ENTPD1: variants seen among roughly 807,000 people sequenced by gnomAD.
The protein encoded by ENTPD1 is ATP diphosphohydrolase.
ENTPD1 carries 33 observed loss-of-function variants against 57.0 expected under a neutral mutation model. The ratio of observed to expected loss-of-function variants is 0.58; its 90% CI spans 0.44 to 0.77. The LOEUF (loss-of-function observed/expected upper bound fraction) is 0.77, where lower values mean the gene tolerates loss of function less well. Among genes scored for constraint, ENTPD1 ranks in the 30% least tolerant of loss-of-function variants. ENTPD1 has a pLI of 0.00. For missense variants in ENTPD1, 501 were observed against 603.4 expected, an observed-to-expected ratio of 0.83 and a Z score of 1.78; for synonymous variants, 202 against 218.8, an observed-to-expected ratio of 0.92 and a Z score of 0.68.
chr10:95,790,351 CTATG>C (rs924826709), intron 1 of ENTPD1, among the ~76,000 whole-genome samples: 2 of 152,088 alleles, frequency 1.3e-5, no homozygotes, highest in African/African-American at 4.8e-5. Flanking sequence ...TGTAAATTGA[CTATG>C]TGTGTTATTG....
chr10:95,857,185 T>C (rs909777382), intron 7 of ENTPD1, among the ~76,000 whole-genome samples: 1 of 152,006 alleles, frequency 6.6e-6, no homozygotes, highest in Non-Finnish European at 1.5e-5. Context: ...TCTTGGGGGG[T>C]TGGAGGTGGC....
intron 1 of ENTPD1, among the ~76,000 whole-genome samples, chr10:95,772,101 T>G (rs1009200390): frequency 2.6e-5 from 4 of 152,198 alleles, no homozygotes. Flanking sequence ...ACTTTATTGC[T>G]AAAAAAATGC....
intron 1 of ENTPD1, among the ~76,000 whole-genome samples, chr10:95,715,073 T>G (rs1354100140): frequency 6.6e-6 from 1 of 152,212 alleles, no homozygotes; most frequent in Non-Finnish European, 1.5e-5. Flanking sequence ...AATAAAAGGT[T>G]TATGCAATGA....
chr10:95,869,143 T>C lies in ENTPD1; in HGVS notation c.*2760T>C, dbSNP rs2098477537. The C allele has an allele frequency of 1.0e-6, 1 of 985,224 alleles. No individual in the cohort carries two copies. The allele number at this position is 985,224 out of a possible 1,614,324, so 61.0% of individuals were successfully genotyped here. A position where few individuals can be genotyped will look rare whatever the true frequency, so the allele number is the denominator to read the frequency against. On this transcript the variant is annotated 3_prime_UTR_variant, in exon 10 of 10. Coordinates refer to ENST00000371205, the MANE Select transcript of ENTPD1 (RefSeq NM_001776.6). ...ACTCAAAACTTGGTTCTGCTAACCC[T>C]GTTCCTTTATGAGGAACCTTTTAAA...
In ENTPD1 at chr10:95,869,459, A is replaced by C. The variant is rs1399669360; in HGVS notation, c.*3076A>C. ...AAGACAGGGTTTCACCATGTTGGCCAGGCTGGTCTCCAACTCCCAATCTCA... is the reference window on the plus strand; with the variant it reads ...AAGACAGGGTTTCACCATGTTGGCCCGGCTGGTCTCCAACTCCCAATCTCA... On this transcript the variant is annotated 3_prime_UTR_variant, in exon 10 of 10. Transcript: ENST00000371205. The C allele has an allele frequency of 2.5e-6, 2 of 801,704 alleles. No homozygotes were observed. Among genetic ancestry groups the C allele is most frequent in the Non-Finnish European group, 3.0e-6 (2 of 662,706 alleles). The allele number at this position is 801,704 out of a possible 1,614,324, so 49.7% of individuals were successfully genotyped here.
the ENTPD1 span, among the ~76,000 whole-genome samples, chr10:95,700,111 A>G: frequency 6.6e-6 from 1 of 152,252 alleles, no homozygotes; most frequent in Non-Finnish European, 1.5e-5. Context: ...TACACTAGTT[A>G]ATATAAGAGA....
intron 1 of ENTPD1, among the ~76,000 whole-genome samples, chr10:95,782,518 G>C (rs1161643892): frequency 6.6e-6 from 1 of 152,142 alleles, no homozygotes; most frequent in Non-Finnish European, 1.5e-5. Flanking sequence ...CATGCTCCTG[G>C]CTAATCAGAA....
At position 95,876,586 on chromosome 10, in the gene ENTPD1, A is replaced by G. The variant is rs915014021; in HGVS notation, c.*10203A>G. Reference sequence around the variant, plus strand: ...AGATGGAAGTCTACATGGAGAATACAGGATGAATCCACTCTGTCTCCTGCA... The same window carrying G: ...AGATGGAAGTCTACATGGAGAATACGGGATGAATCCACTCTGTCTCCTGCA... On this transcript the variant is annotated 3_prime_UTR_variant, in exon 10 of 10. Transcript: ENST00000371205. 8 of 1,230,584 alleles carry G rather than the reference A, an allele frequency of 6.5e-6. No homozygotes were observed. The highest frequency in any genetic ancestry group is 8.1e-6 in the Non-Finnish European group (8 of 987,412). 76.2% of individuals were successfully genotyped at this position (1,230,584 alleles called of 1,614,324 possible).
At chr10:95,711,910 T>G in exon 1 of ENTPD1, 3 of 1,610,360 alleles carry the variant, frequency 1.9e-6, no homozygotes, top group Non-Finnish European at 1.7e-6. Flanking sequence ...CCAGTTTTGG[T>G]GCTGTGAACA....
intron 1 of ENTPD1, among the ~76,000 whole-genome samples, chr10:95,721,801 T>G (rs1420676790): frequency 6.6e-6 from 1 of 152,138 alleles, no homozygotes; most frequent in Admixed American, 6.5e-5. Context: ...TAACTACCCA[T>G]GGACCTCTGC....
intron 6 of ENTPD1, among the ~76,000 whole-genome samples, chr10:95,846,935 G>C (rs1453792490): frequency 6.6e-6 from 1 of 151,848 alleles, no homozygotes; most frequent in Non-Finnish European, 1.5e-5. Flanking sequence ...GTTGCAGTGA[G>C]CTGAGATTGC....
upstream of ENTPD1, among the ~76,000 whole-genome samples, chr10:95,752,780 C>T (rs1201166055): frequency 6.6e-6 from 1 of 152,168 alleles, no homozygotes; most frequent in Non-Finnish European, 1.5e-5. Flanking sequence ...CAACCTACTG[C>T]TTCAGCCTCC....
upstream of ENTPD1, among the ~76,000 whole-genome samples, chr10:95,707,801 C>G (rs1318012408): frequency 1.3e-5 from 2 of 152,108 alleles, no homozygotes; most frequent in African/African-American, 2.4e-5. Flanking sequence ...AATGGAGTTT[C>G]ACCATGCTAG....
chr10:95,845,724 G>A (rs1566230300), intron 6 of ENTPD1, 128 bp downstream of exon 6: 6 of 1,538,722 alleles, frequency 3.9e-6, no homozygotes, highest in Middle Eastern at 1.7e-4. Flanking sequence ...AACCTTTTTA[G>A]GCAGGATATT....
chr10:95,763,786 T>C (rs1239685265), intron 1 of ENTPD1, among the ~76,000 whole-genome samples: 1 of 152,240 alleles, frequency 6.6e-6, no homozygotes, highest in Non-Finnish European at 1.5e-5. Context: ...TGAAAGGAAG[T>C]GCTGGTGGCT....
chr10:95,707,415 C>CA (rs2097962989), upstream of ENTPD1, among the ~76,000 whole-genome samples: 1 of 152,200 alleles, frequency 6.6e-6, no homozygotes, highest in South Asian at 2.1e-4. Flanking sequence ...CCACTGGCTC[C>CA]ATGGAGTGCC....
rs1244048788 is a variant in ENTPD1 at position 95,873,035 on chromosome 10, G to T, written c.*6652G>T. 2.1e-6 allele frequency: 2 copies of T among 961,426 alleles called. No homozygotes were observed. The highest frequency in any genetic ancestry group is 5.3e-4 in the Middle Eastern group (1 of 1,886). 59.6% of individuals were successfully genotyped at this position (961,426 alleles called of 1,614,324 possible). A position where few individuals can be genotyped will look rare whatever the true frequency, so the allele number is the denominator to read the frequency against. ...TTAATGTACATACAAATTACCCAGG[G>T]ATTTTGTTGAAATAAAAATTATTTA... is the stretch of plus-strand genomic sequence containing the variant. On this transcript the variant is annotated 3_prime_UTR_variant, in exon 10 of 10. Transcript: ENST00000371205.
chr10:95,739,278 G>GACT (rs1281357858), intron 1 of ENTPD1, among the ~76,000 whole-genome samples: 3 of 152,144 alleles, frequency 2.0e-5, no homozygotes, highest in African/African-American at 7.2e-5. Context: ...CACATCAATT[G>GACT]ACTCTTCCTT....
At chr10:95,745,376 G>A (rs1589666133) in intron 1 of ENTPD1, among the ~76,000 whole-genome samples, 2 of 151,942 alleles carry the variant, frequency 1.3e-5, no homozygotes, top group South Asian at 2.1e-4. Context: ...TTTTAAAGAC[G>A]AGATCCATTA....
Sources: gnomAD v4.1 joint callset for allele counts (sites outside exome capture counted in the v4.1 genomes callset) on GRCh38, gnomAD v4.1.1 for gene constraint, MANE v1.5 for transcripts, NCBI Gene and HGNC (gene_info 2026-07-23, HGNC 2026-07-21) for gene names.